LRRC17: variants seen among roughly 807,000 people sequenced by gnomAD.
The protein encoded by LRRC17 is leucine rich repeat containing 17.
In LRRC17, 33 loss-of-function variants were observed where a neutral mutation model predicts 41.5. The observed-to-expected ratio is 0.80, with a 90% CI of 0.60 to 1.06. The LOEUF (loss-of-function observed/expected upper bound fraction) is 1.06, where lower values mean the gene tolerates loss of function less well. Among genes scored for constraint, LRRC17 ranks in the 50% least tolerant of loss-of-function variants. The probability of loss-of-function intolerance (pLI) is 0.00; values close to 1 mark genes in which losing one functional copy is unlikely to be tolerated. For missense variants in LRRC17, 491 were observed against 519.3 expected (o/e 0.95, Z 0.53); for synonymous variants, 192 against 197.0 (o/e 0.97, Z 0.21).
intron 1 of LRRC17, among the ~76,000 whole-genome samples, chr7:102,927,438 T>C (rs751635757): frequency 2.0e-4 from 30 of 152,188 alleles, no homozygotes; most frequent in Non-Finnish European, 3.7e-4. Context: ...CCACTAAAGA[T>C]AGTAAAGGCT....
intron 1 of LRRC17, chr7:102,931,924 C>T: frequency 1.9e-6 from 3 of 1,613,588 alleles, no homozygotes; most frequent in Non-Finnish European, 2.5e-6. Flanking sequence ...TTGCAAGTTC[C>T]TACAGTGGCC....
Position 102,945,079 on chromosome 7 carries a change from A to C in LRRC17, c.*472A>C, listed in dbSNP as rs540791434. 6.5e-6 allele frequency: 1 copy of C among 152,822 alleles called. No individual in the cohort carries two copies. Among genetic ancestry groups the C allele is most frequent in the African/African-American group, 2.4e-5 (1 of 41,580 alleles). The allele number at this position is 152,822 out of a possible 1,614,324, so 9.5% of individuals were successfully genotyped here. On this transcript the variant is annotated 3_prime_UTR_variant, in exon 4 of 4. Transcript: ENST00000339431. Reference sequence around the variant, plus strand: ...AGTAAGTCATCTTATACATTAAATAAATTTCCATTTCTGATTTCTGTGCAT... The same window carrying C: ...AGTAAGTCATCTTATACATTAAATACATTTCCATTTCTGATTTCTGTGCAT...
Position 102,934,035 on chromosome 7 carries a change from GCT to G in LRRC17, c.124_125del (p.Ser42GlnfsTer13). 6.2e-7 allele frequency: 1 copy of G among 1,614,076 alleles called. No homozygotes were observed. Among genetic ancestry groups the G allele is most frequent in the African/African-American group, 1.3e-5 (1 of 75,052 alleles). ...GGCCGGGCGGGTGGAGGCCGGAGAG[GCT>G]CCAACCCGGTCAAACGCTACGCACC... On this transcript the variant is annotated frameshift_variant, in exon 2 of 4. Coordinates refer to ENST00000339431, the MANE Select transcript of LRRC17 (RefSeq NM_001031692.3). LOFTEE classifies it high-confidence loss of function.
At chr7:102,932,239 A>G (rs1048715433) in intron 1 of LRRC17, among the ~76,000 whole-genome samples, 2 of 152,060 alleles carry the variant, frequency 1.3e-5, no homozygotes, top group African/African-American at 4.8e-5. Flanking sequence ...AAGAAAACCA[A>G]CCTGGTTTTT....
At chr7:102,942,936 A>C (rs899812783) in intron 3 of LRRC17, among the ~76,000 whole-genome samples, 2 of 152,196 alleles carry the variant, frequency 1.3e-5, no homozygotes, top group Non-Finnish European at 2.9e-5. Flanking sequence ...GTCCATATCA[A>C]CTGGAATACA....
chr7:102,916,753 T>C (rs1815951011), intron 1 of LRRC17, among the ~76,000 whole-genome samples: 1 of 151,568 alleles, frequency 6.6e-6, no homozygotes, highest in Non-Finnish European at 1.5e-5. Context: ...TTACAGCTTG[T>C]TTTTATCTTT....
At chr7:102,931,947 G>C (rs547496372) in intron 1 of LRRC17, 2 of 1,612,038 alleles carry the variant, frequency 1.2e-6, no homozygotes, top group Non-Finnish European at 1.7e-6. Context: ...AATCAAATAA[G>C]TTACACGTCA....
In LRRC17 at chr7:102,944,313, C is replaced by G. The variant is rs770574084; in HGVS notation, c.1032C>G (p.Leu344=). The G allele has an allele frequency of 1.1e-5, 18 of 1,613,870 alleles. No homozygotes were observed. In the Admixed American group the frequency reaches 3.0e-4, roughly 27 times the overall value. ...TAGAAGACTTGTATTTTTTGAAACT[C>G]TTGTGGCTCAGAGATAACCCTTGGA... The part of the protein sequence containing the change: ...GVLEDLYFLK[L]LWLRDNPWRC... The change falls in exon 4 of 4, where the codon CTC becomes CTG. Residue 344 remains leucine, a synonymous_variant. Coordinates refer to ENST00000339431, the MANE Select transcript of LRRC17 (RefSeq NM_001031692.3).
chr7:102,923,909 T>C (rs111839133), intron 1 of LRRC17, among the ~76,000 whole-genome samples: 2,335 of 152,108 alleles, frequency 0.015, 48 homozygotes, highest in African/African-American at 0.054. Context: ...CAATAAATGA[T>C]GCTGAAATAA....
chr7:102,934,466 A>C lies in LRRC17; in HGVS notation c.553A>C (p.Asn185His). Residue 185 changes from asparagine (N) to histidine (H), a missense_variant, in exon 2 of 4, where the codon AAT becomes CAT. Coordinates refer to ENST00000339431, the MANE Select transcript of LRRC17 (RefSeq NM_001031692.3). ...ISMLQIPRNRNLGNYAKCESP... is the reference protein window; with the variant it reads ...ISMLQIPRNRHLGNYAKCESP... Reference sequence around the variant, plus strand: ...AATGTTGCAGATTCCCAGGAACCGGAATTTGGGGAACTACGCCAAGTGTGA... The same window carrying C: ...AATGTTGCAGATTCCCAGGAACCGGCATTTGGGGAACTACGCCAAGTGTGA... 1 of 1,614,216 alleles carries C rather than the reference A, an allele frequency of 6.2e-7. No individual in the cohort carries two copies. The highest frequency in any genetic ancestry group is 8.5e-7 in the Non-Finnish European group (1 of 1,180,036).
intron 1 of LRRC17, among the ~76,000 whole-genome samples, chr7:102,929,160 C>T (rs1818671865): frequency 6.6e-6 from 1 of 152,120 alleles, no homozygotes; most frequent in Non-Finnish European, 1.5e-5. Flanking sequence ...CTTCTGTACA[C>T]ATTCTATTTG....
At chr7:102,914,546 A>G (rs544558948) in intron 1 of LRRC17, among the ~76,000 whole-genome samples, 7 of 152,396 alleles carry the variant, frequency 4.6e-5, no homozygotes, top group African/African-American at 1.7e-4. Context: ...ACAGGTGAAT[A>G]AAGTTTACCT....
At position 102,934,115 on chromosome 7, in the gene LRRC17, CA is replaced by C. The variant is rs773080027; in HGVS notation, c.204del (p.Glu69LysfsTer4). The C allele has an allele frequency of 1.9e-6, 3 of 1,613,976 alleles. No homozygotes were observed. Among genetic ancestry groups the C allele is most frequent in the Non-Finnish European group, 2.5e-6 (3 of 1,179,910 alleles). ...TYLHEKYLDC[Q>X]ERKLVYVLPG... Reference sequence around the variant, plus strand: ...TCTCCATGAGAAATACTTAGATTGTCAAGAAAGAAAATTAGTTTATGTGCTG... The same window carrying C: ...TCTCCATGAGAAATACTTAGATTGTCAGAAAGAAAATTAGTTTATGTGCTG... On this transcript the variant is annotated frameshift_variant, in exon 2 of 4. Transcript: ENST00000339431. LOFTEE classifies it high-confidence loss of function.
At position 102,944,814 on chromosome 7, in the gene LRRC17, A is replaced by G; in HGVS notation, c.*207A>G. The G allele has an allele frequency of 2.0e-6, 1 of 492,254 alleles. No individual in the cohort carries two copies. The highest frequency in any genetic ancestry group is 3.7e-5 in the South Asian group (1 of 26,832). The allele number at this position is 492,254 out of a possible 1,614,324, so 30.5% of individuals were successfully genotyped here. A position where few individuals can be genotyped will look rare whatever the true frequency, so the allele number is the denominator to read the frequency against. On this transcript the variant is annotated 3_prime_UTR_variant, in exon 4 of 4. Coordinates refer to ENST00000339431, the MANE Select transcript of LRRC17 (RefSeq NM_001031692.3). ...CTTGCCTGTCCATTTGTGGAACAGC[A>G]TCTGGTGATATGCAATTCCACACTG...
intron 2 of LRRC17, among the ~76,000 whole-genome samples, chr7:102,939,140 G>C (rs889034798): frequency 1.5e-4 from 23 of 152,178 alleles, no homozygotes; most frequent in Admixed American, 1.1e-3. Context: ...GAACCTAGGA[G>C]GTTCTGACTT....
chr7:102,929,894 A>G (rs1431494190), intron 1 of LRRC17, among the ~76,000 whole-genome samples: 1 of 152,044 alleles, frequency 6.6e-6, no homozygotes, highest in Non-Finnish European at 1.5e-5. Context: ...TTTAATCTCA[A>G]TATAAATATA....
chr7:102,928,032 C>T (rs1818461932), intron 1 of LRRC17, among the ~76,000 whole-genome samples: 1 of 152,040 alleles, frequency 6.6e-6, no homozygotes, highest in Non-Finnish European at 1.5e-5. Context: ...AATGTGGGGA[C>T]CAGGAAGAGG....
chr7:102,924,725 T>A (rs980847012), intron 1 of LRRC17, among the ~76,000 whole-genome samples: 11 of 147,042 alleles, frequency 7.5e-5, no homozygotes, highest in Admixed American at 7.1e-5. Flanking sequence ...CACTGCAAGC[T>A]CCGCCTCCTG....
At chr7:102,937,506 C>CAA (rs10642422) in intron 2 of LRRC17, among the ~76,000 whole-genome samples, 85,609 of 113,400 alleles carry the variant, frequency 0.75, 33,052 homozygotes, top group Middle Eastern at 0.82. Flanking sequence ...GACTCTGTCT[C>CAA]AAAAAAAAAA....
Sources: allele counts gnomAD v4.1 joint callset (sites outside exome capture counted in the v4.1 genomes callset), GRCh38; gene constraint gnomAD v4.1.1; transcripts MANE v1.5; gene names NCBI Gene and HGNC (gene_info 2026-07-23, HGNC 2026-07-21).